BHMT: variants seen among roughly 807,000 people sequenced by gnomAD.
BHMT encodes betaine--homocysteine S-methyltransferase 1.
Under a neutral mutation model 49.5 loss-of-function variants are expected in BHMT, and 38 were observed. That is an observed-to-expected ratio of 0.77 (90% CI 0.59 to 1.01). The LOEUF (loss-of-function observed/expected upper bound fraction) is 1.01, where lower values mean the gene tolerates loss of function less well. Among genes scored for constraint, BHMT ranks in the 50% least tolerant of loss-of-function variants. The pLI is 0.00. For missense variants in BHMT, 426 were observed against 495.7 expected, an observed-to-expected ratio of 0.86 and a Z score of 1.34; for synonymous variants, 166 against 176.3, an observed-to-expected ratio of 0.94 and a Z score of 0.46.
rs376275044 is a variant in BHMT, at chr5:79,111,881, C to A, written c.-5C>A. The A allele has an allele frequency of 1.2e-6, 2 of 1,612,258 alleles. No homozygotes were observed. Among genetic ancestry groups the A allele is most frequent in the African/African-American group, 1.3e-5 (1 of 74,942 alleles). ...GTGTCGACCACCTGTCTGGACACCACGAAGATGCCACCCGTTGGGGGCAAA... is the reference window on the plus strand; with the variant it reads ...GTGTCGACCACCTGTCTGGACACCAAGAAGATGCCACCCGTTGGGGGCAAA... On this transcript the variant is annotated 5_prime_UTR_variant, in exon 1 of 8. Transcript: ENST00000274353.
intron 3 of BHMT, chr5:79,119,620 C>G (rs1299927525): frequency 6.0e-6 from 2 of 333,090 alleles, no homozygotes; most frequent in Non-Finnish European, 1.1e-5. Flanking sequence ...CTCCCAGTCT[C>G]TTGACTAAGT....
intron 2 of BHMT, 95 bp downstream of exon 2, chr5:79,115,994 G>A: frequency 2.9e-6 from 4 of 1,400,962 alleles, no homozygotes; most frequent in Non-Finnish European, 3.7e-6. Flanking sequence ...GAGGTGGGAA[G>A]ACCACTTGAG....
At chr5:79,125,565 T>C (rs1162646470) in intron 5 of BHMT, among the ~76,000 whole-genome samples, 1 of 151,974 alleles carries the variant, frequency 6.6e-6, no homozygotes, top group African/African-American at 2.4e-5. Flanking sequence ...TCCTGCCTGC[T>C]AGTAATCATT....
Position 79,121,328 on chromosome 5 carries a change from G to GC in BHMT, c.594dup (p.Gly199ArgfsTer22). 6.2e-7 allele frequency: 1 copy of GC among 1,614,138 alleles called. No individual in the cohort carries two copies. The highest frequency in any genetic ancestry group is 8.5e-7 in the Non-Finnish European group (1 of 1,179,994). On this transcript the variant is annotated frameshift_variant, in exon 5 of 8. Coordinates refer to ENST00000274353, the MANE Select transcript of BHMT (RefSeq NM_001713.3). LOFTEE classifies it high-confidence loss of function. ...GCCCAGAAGGAGATTTGCATGGCGT[G>GC]CCCCCCGGCGAGTGTGCAGTGCGCC...
At position 79,130,941 on chromosome 5, in the gene BHMT, A is replaced by G. The variant is rs751676497; in HGVS notation, c.1046A>G (p.Lys349Arg). Reference protein sequence around the residue: ...TKPWVRARARKEYWENLRIAS... With the variant: ...TKPWVRARARREYWENLRIAS... ...GTGTTTTGTTCACACAGGGCCAGGA[A>G]GGAATACTGGGAGAATCTTCGGATA... The change falls in exon 8 of 8, where the codon AAG becomes AGG. Residue 349 changes from lysine (K) to arginine (R), a missense_variant. Transcript: ENST00000274353. 1.2e-6 allele frequency: 2 copies of G among 1,612,134 alleles called. No homozygotes were observed. The highest frequency in any genetic ancestry group is 3.3e-5 in the Admixed American group (2 of 59,730).
intron 3 of BHMT, 183 bp downstream of exon 3, chr5:79,119,560 G>C (rs1756436425): frequency 2.1e-6 from 1 of 471,686 alleles, no homozygotes; most frequent in Non-Finnish European, 3.7e-6. Context: ...AATTAACAAA[G>C]AGGCATTTAG....
At chr5:79,118,830 C>T (rs373549468) in intron 2 of BHMT, among the ~76,000 whole-genome samples, 2 of 152,190 alleles carry the variant, frequency 1.3e-5, no homozygotes, top group Non-Finnish European at 2.9e-5. Context: ...CCTCCTTCGC[C>T]CCCTTGCCCC....
chr5:79,129,098 G>T (rs1756597728), intron 7 of BHMT, among the ~76,000 whole-genome samples: 2 of 152,200 alleles, frequency 1.3e-5, no homozygotes, highest in Non-Finnish European at 2.9e-5. Flanking sequence ...TCCAAGGAGA[G>T]GTAGCAGTTC....
chr5:79,117,222 C>T (rs1401387012), intron 2 of BHMT, among the ~76,000 whole-genome samples: 1 of 152,158 alleles, frequency 6.6e-6, no homozygotes, highest in Non-Finnish European at 1.5e-5. Context: ...TTATACATAA[C>T]AATTTGCACA....
chr5:79,124,631 G>A (rs1329123578), intron 5 of BHMT, among the ~76,000 whole-genome samples: 3 of 152,100 alleles, frequency 2.0e-5, no homozygotes, highest in Non-Finnish European at 4.4e-5. Flanking sequence ...TCCAAATATA[G>A]TTAAGAACAT....
intron 7 of BHMT, among the ~76,000 whole-genome samples, chr5:79,130,505 C>T (rs1415592932): frequency 2.0e-5 from 3 of 151,814 alleles, no homozygotes; most frequent in African/African-American, 7.3e-5. Flanking sequence ...ACCTTTTAAT[C>T]AAAACACAGC....
chr5:79,119,622 T>C, intron 3 of BHMT: 1 of 327,916 alleles, frequency 3.0e-6, no homozygotes, highest in Non-Finnish European at 5.6e-6. Flanking sequence ...CCCAGTCTCT[T>C]GACTAAGTTG....
At position 79,119,248 on chromosome 5, in the gene BHMT, C is replaced by T. The variant is rs759472468; in HGVS notation, c.167-11C>T. The stretch of plus-strand genomic sequence containing the variant: ...AACAGAAATTATACCTTTCCTCATT[C>T]ACTCTCCCAGTTCGCCAGCTTCATC... On this transcript the variant is annotated splice_polypyrimidine_tract_variant and intron_variant, in intron 2 of 7. Coordinates refer to ENST00000274353, the MANE Select transcript of BHMT (RefSeq NM_001713.3). The T allele has an allele frequency of 1.3e-6, 2 of 1,582,314 alleles. No homozygotes were observed. Among genetic ancestry groups the T allele is most frequent in the Non-Finnish European group, 1.7e-6 (2 of 1,163,006 alleles).
chr5:79,128,802 T>TA (rs995522226), intron 7 of BHMT, among the ~76,000 whole-genome samples: 64 of 151,012 alleles, frequency 4.2e-4, no homozygotes, highest in Admixed American at 5.3e-4. Context: ...AATACACTAG[T>TA]AAAAAAAAAT....
At chr5:79,114,495 G>A (rs1297420975) in intron 1 of BHMT, among the ~76,000 whole-genome samples, 5 of 152,166 alleles carry the variant, frequency 3.3e-5, no homozygotes, top group East Asian at 3.8e-4. Flanking sequence ...AAGGAATTGG[G>A]ATGCAAAATC....
chr5:79,128,207 A>G (rs1756581482), intron 7 of BHMT: 3 of 661,162 alleles, frequency 4.5e-6, no homozygotes, highest in African/African-American at 1.8e-5. Flanking sequence ...AAAGAAAAAG[A>G]AAAATTTTTT....
chr5:79,115,092 A>G (rs1031961327), intron 1 of BHMT, among the ~76,000 whole-genome samples: 5 of 152,146 alleles, frequency 3.3e-5, no homozygotes, highest in African/African-American at 1.2e-4. Context: ...TAGCATAGCT[A>G]CTGTTGTGGA....
chr5:79,113,685 T>A (rs973769501), intron 1 of BHMT, among the ~76,000 whole-genome samples: 2 of 152,240 alleles, frequency 1.3e-5, no homozygotes, highest in Non-Finnish European at 2.9e-5. Flanking sequence ...TTACATATAC[T>A]GTTTTGTAAT....
At chr5:79,129,168 T>G (rs1040538002) in intron 7 of BHMT, among the ~76,000 whole-genome samples, 1 of 152,162 alleles carries the variant, frequency 6.6e-6, no homozygotes, top group African/African-American at 2.4e-5. Flanking sequence ...TTGTGGATGC[T>G]GAGGTAGCAA....
Sources: allele counts gnomAD v4.1 joint callset (sites outside exome capture counted in the v4.1 genomes callset), GRCh38; gene constraint gnomAD v4.1.1; transcripts MANE v1.5; gene names NCBI Gene and HGNC (gene_info 2026-07-23, HGNC 2026-07-21).